The following TSPAN32 variants were observed in gnomAD, a reference collection of about 807,000 sequenced individuals.
TSPAN32 encodes tetraspanin-32.
Under a neutral mutation model 42.7 loss-of-function variants are expected in TSPAN32, and 47 were observed. The ratio of observed to expected loss-of-function variants is 1.10; its 90% CI spans 0.87 to 1.40. The LOEUF is 1.40. Ranked by LOEUF, TSPAN32 falls within the 40% of genes most tolerant of loss-of-function variation. The probability of loss-of-function intolerance (pLI) is 0.00; values close to 1 mark genes in which losing one functional copy is unlikely to be tolerated. For missense variants in TSPAN32, 469 were observed against 424.1 expected (o/e 1.11, Z -0.93); for synonymous variants, 175 against 175.9 (o/e 0.99, Z 0.04).
At chr11:2,308,330 C>G (rs1340044839) in intron 3 of TSPAN32, among the ~76,000 whole-genome samples, 2 of 152,038 alleles carry the variant, frequency 1.3e-5, no homozygotes, top group Non-Finnish European at 2.9e-5. Flanking sequence ...GGGGGCGCAG[C>G]CTGAGGGCAC....
At chr11:2,316,773 C>T in intron 8 of TSPAN32, 106 bp downstream of exon 8, 2 of 1,233,778 alleles carry the variant, frequency 1.6e-6, no homozygotes, top group East Asian at 2.5e-5. Flanking sequence ...GACCAAGCCC[C>T]AGGCTGACAC....
chr11:2,306,571 A>G (rs941556885), intron 3 of TSPAN32, among the ~76,000 whole-genome samples: 5 of 147,762 alleles, frequency 3.4e-5, no homozygotes, highest in Non-Finnish European at 5.9e-5. Flanking sequence ...GAAAGAGAGA[A>G]AGAGAGAGAG....
At chr11:2,303,670 C>A (rs1847900927) in intron 2 of TSPAN32, among the ~76,000 whole-genome samples, 1 of 152,108 alleles carries the variant, frequency 6.6e-6, no homozygotes, top group Admixed American at 6.5e-5. Flanking sequence ...GGACCAGGGC[C>A]TCCCTGGAGG....
intron 3 of TSPAN32, among the ~76,000 whole-genome samples, chr11:2,305,746 C>T (rs913657458): frequency 6.6e-5 from 10 of 152,138 alleles, no homozygotes; most frequent in African/African-American, 2.4e-4. Context: ...TGTAGAGCAG[C>T]CTTGGAGGCC....
intron 8 of TSPAN32, 54 bp downstream of exon 8, chr11:2,316,721 C>G (rs1413878335): frequency 2.7e-6 from 4 of 1,487,866 alleles, no homozygotes; most frequent in East Asian, 2.3e-5. Context: ...CAGCTCTGCT[C>G]GAGAGGCATC....
At chr11:2,312,687 A>G (rs565069649) in intron 4 of TSPAN32, among the ~76,000 whole-genome samples, 12 of 152,028 alleles carry the variant, frequency 7.9e-5, no homozygotes, top group Non-Finnish European at 1.2e-4. Context: ...GCCGTAAGCC[A>G]CCCTTCCTTT....
chr11:2,302,546 A>G (rs1847817106), intron 1 of TSPAN32, among the ~76,000 whole-genome samples: 1 of 152,164 alleles, frequency 6.6e-6, no homozygotes, highest in South Asian at 2.1e-4. Flanking sequence ...GGGTGCTGGC[A>G]CAGGGGTGGG....
intron 6 of TSPAN32, chr11:2,314,887 C>T (rs1308630026): frequency 4.9e-6 from 2 of 410,644 alleles, no homozygotes; most frequent in East Asian, 5.2e-5. Flanking sequence ...CCAAGGCCAG[C>T]TAAGTCCACA....
rs1401421392 is a variant in TSPAN32 at position 2,316,215 on chromosome 11, C to T, written c.544-14C>T. On this transcript the variant is annotated splice_polypyrimidine_tract_variant and intron_variant, in intron 6 of 9. Transcript: ENST00000182290. The stretch of plus-strand genomic sequence containing the variant: ...CCGCTCAGGGCGGGTACCATGCCTG[C>T]TGCCCTCTCACAGGACTGCCTTCAG... The T allele has an allele frequency of 1.3e-6, 2 of 1,554,738 alleles. No homozygotes were observed. The highest frequency in any genetic ancestry group is 8.7e-7 in the Non-Finnish European group (1 of 1,152,206).
chr11:2,314,719 G>A (rs377225952), intron 6 of TSPAN32, 148 bp downstream of exon 6: 27 of 645,656 alleles, frequency 4.2e-5, no homozygotes, highest in East Asian at 3.0e-4. Flanking sequence ...CTCAGGGAAG[G>A]TTCTGATGTG....
chr11:2,312,088 G>T (rs913708191), intron 4 of TSPAN32, among the ~76,000 whole-genome samples: 1 of 152,212 alleles, frequency 6.6e-6, no homozygotes, highest in Non-Finnish European at 1.5e-5. Flanking sequence ...GGCAGAGCAG[G>T]CCCCTCAGCC....
At chr11:2,305,270 C>T (rs562130244) in intron 3 of TSPAN32, among the ~76,000 whole-genome samples, 16 of 152,098 alleles carry the variant, frequency 1.1e-4, no homozygotes, top group African/African-American at 3.6e-4. Flanking sequence ...ATTCCTGCTC[C>T]GGGGCACACG....
chr11:2,310,274 G>C (rs567122664), intron 4 of TSPAN32, among the ~76,000 whole-genome samples: 2 of 152,320 alleles, frequency 1.3e-5, no homozygotes, highest in East Asian at 3.9e-4. Flanking sequence ...AATTCTGGAG[G>C]GGAGGGGGCC....
chr11:2,305,168 G>C (rs1848002217), intron 3 of TSPAN32, among the ~76,000 whole-genome samples: 1 of 152,252 alleles, frequency 6.6e-6, no homozygotes, highest in African/African-American at 2.4e-5. Flanking sequence ...AATAGGAATA[G>C]AGTCACCTCC....
intron 6 of TSPAN32, chr11:2,315,136 C>T: frequency 1.4e-6 from 1 of 714,330 alleles, no homozygotes; most frequent in Non-Finnish European, 1.9e-6. Flanking sequence ...GCCCTCCTCT[C>T]TTTCTCCTGG....
In TSPAN32 at chr11:2,302,961, A is replaced by T; in HGVS notation, c.181+3A>T. 1 of 1,612,612 alleles carries T rather than the reference A, an allele frequency of 6.2e-7. No homozygotes were observed. The highest frequency in any genetic ancestry group is 1.1e-5 in the South Asian group (1 of 91,046). On this transcript the variant is annotated splice_donor_region_variant and intron_variant, in intron 2 of 9. Transcript: ENST00000182290. ...GTACCAGGCTGTGCACCAATGGGGT[A>T]AGTGAGGTCCAGGCCTGGCTGCATC...
intron 4 of TSPAN32, among the ~76,000 whole-genome samples, chr11:2,311,865 A>C (rs541262042): frequency 6.6e-6 from 1 of 152,350 alleles, no homozygotes; most frequent in South Asian, 2.1e-4. Flanking sequence ...ACAGACGGTG[A>C]AGCATCACCT....
chr11:2,310,186 G>A (rs11022218), intron 4 of TSPAN32, among the ~76,000 whole-genome samples: 4,956 of 152,288 alleles, frequency 0.033, 230 homozygotes, highest in African/African-American at 0.1. Context: ...AGCTGCCAGG[G>A]TTCCCCGGGC....
chr11:2,316,805 G>T, intron 8 of TSPAN32, 138 bp downstream of exon 8: 1 of 944,848 alleles, frequency 1.1e-6, no homozygotes, highest in East Asian at 2.8e-5. Context: ...CGCTTTGGGG[G>T]TGGCTGAGCA....
Sources: gnomAD v4.1 joint callset for allele counts (sites outside exome capture counted in the v4.1 genomes callset) on GRCh38, gnomAD v4.1.1 for gene constraint, MANE v1.5 for transcripts, NCBI Gene and HGNC (gene_info 2026-07-23, HGNC 2026-07-21) for gene names.